The following NCOA1 variants were observed in gnomAD, a reference collection of about 807,000 sequenced individuals.
NCOA1 encodes the protein Hin-2 protein.
A neutral mutation model predicts 150.9 loss-of-function variants in NCOA1; 35 were observed. That is an observed-to-expected ratio of 0.23 (90% CI 0.18 to 0.31). The LOEUF (loss-of-function observed/expected upper bound fraction) is 0.31, where lower values mean the gene tolerates loss of function less well. Among genes scored for constraint, NCOA1 ranks in the 10% least tolerant of loss-of-function variants. NCOA1 has a pLI of 1.00. For missense variants in NCOA1, 1,491 were observed against 1,749.3 expected (o/e 0.85, Z 2.63); for synonymous variants, 590 against 630.0 (o/e 0.94, Z 0.95).
At chr2:24,514,196 G>T (rs1664055756) in intron 1 of NCOA1, among the ~76,000 whole-genome samples, 1 of 147,084 alleles carries the variant, frequency 6.8e-6, no homozygotes, top group African/African-American at 2.5e-5. Context: ...GCTGAGGTGG[G>T]AGAATCTTGA....
chr2:24,628,553 G>A (rs1325159619), intron 3 of NCOA1, among the ~76,000 whole-genome samples: 3 of 152,110 alleles, frequency 2.0e-5, no homozygotes, highest in Admixed American at 6.6e-5. Context: ...ACAGTTGAGT[G>A]AGAGAGATAC....
chr2:24,756,948 CT>C (rs1226094587), intron 20 of NCOA1, among the ~76,000 whole-genome samples: 2 of 152,138 alleles, frequency 1.3e-5, no homozygotes, highest in East Asian at 3.8e-4. Context: ...ATGTATTTTG[CT>C]TCCTAGAAAA....
At chr2:24,735,436 T>C (rs1663247624) in intron 17 of NCOA1, among the ~76,000 whole-genome samples, 1 of 152,196 alleles carries the variant, frequency 6.6e-6, no homozygotes, top group African/African-American at 2.4e-5. Flanking sequence ...CCTAGTGATT[T>C]GAGAAAAGAA....
rs774991184 is a variant in NCOA1 at position 24,707,679 on chromosome 2, G to A, written c.2209G>A (p.Ala737Thr). The A allele has an allele frequency of 1.2e-6, 2 of 1,614,106 alleles. No individual in the cohort carries two copies. The highest frequency in any genetic ancestry group is 1.7e-6 in the Non-Finnish European group (2 of 1,180,000). Residue 737 changes from alanine (A) to threonine (T), a missense_variant, in exon 13 of 23, where the codon GCT becomes ACT. This residue lies in a region of NCOA1 where 703 missense variants were observed against 717.7 expected (regional missense o/e 0.98). Coordinates refer to ENST00000348332, the MANE Select transcript of NCOA1 (RefSeq NM_003743.5). ...CTCCAGTATAAAACTAGAACTGGAT[G>A]CTTCAAAGAAAAAAGAATCAAAAGA... ...GNSSIKLELD[A>T]SKKKESKDHQ... is the part of the protein sequence containing the mutation.
chr2:24,617,394 T>A (rs1423863802), intron 3 of NCOA1, among the ~76,000 whole-genome samples: 1 of 152,150 alleles, frequency 6.6e-6, no homozygotes, highest in Non-Finnish European at 1.5e-5. Flanking sequence ...CCATTTTCTC[T>A]CTTTTTTACT....
At chr2:24,593,292 A>C (rs1158902776) in intron 3 of NCOA1, among the ~76,000 whole-genome samples, 1 of 152,144 alleles carries the variant, frequency 6.6e-6, no homozygotes. Context: ...AGACTGGATC[A>C]GTCTACCCTG....
At chr2:24,580,304 G>T (rs1273375844) in intron 2 of NCOA1, among the ~76,000 whole-genome samples, 1 of 152,038 alleles carries the variant, frequency 6.6e-6, no homozygotes, top group Non-Finnish European at 1.5e-5. Flanking sequence ...AAATTGTCTG[G>T]TTTTTTTCTT....
intron 1 of NCOA1, among the ~76,000 whole-genome samples, chr2:24,560,112 A>G (rs907007770): frequency 1.3e-5 from 2 of 152,180 alleles, no homozygotes; most frequent in African/African-American, 4.8e-5. Flanking sequence ...CACCTGGTCA[A>G]GGCACGTGGA....
chr2:24,633,117 C>T (rs1380335647), intron 3 of NCOA1, among the ~76,000 whole-genome samples: 1 of 151,938 alleles, frequency 6.6e-6, no homozygotes, highest in Non-Finnish European at 1.5e-5. Flanking sequence ...CACACGTACA[C>T]ATACAGCCAT....
intron 3 of NCOA1, among the ~76,000 whole-genome samples, chr2:24,585,835 T>C (rs1223040778): frequency 2.0e-5 from 3 of 152,370 alleles, no homozygotes; most frequent in Admixed American, 2.0e-4. Context: ...GTATTTTTAA[T>C]GTTATTGTAG....
At chr2:24,636,250 T>C (rs1319335975) in intron 3 of NCOA1, among the ~76,000 whole-genome samples, 6 of 152,206 alleles carry the variant, frequency 3.9e-5, no homozygotes, top group Non-Finnish European at 7.4e-5. Context: ...CCACTGTTTT[T>C]TAGATCTCTT....
At chr2:24,678,194 A>G (rs1572579276) in intron 7 of NCOA1, among the ~76,000 whole-genome samples, 2 of 152,174 alleles carry the variant, frequency 1.3e-5, no homozygotes, top group South Asian at 4.1e-4. Context: ...AACTCCATCC[A>G]TGTCCCTGCA....
In NCOA1 at chr2:24,726,589, G is replaced by T. The variant is rs767336032; in HGVS notation, c.2600G>T (p.Arg867Ile). The T allele has an allele frequency of 1.3e-6, 2 of 1,597,768 alleles. No homozygotes were observed. Among genetic ancestry groups the T allele is most frequent in the Admixed American group, 3.4e-5 (2 of 58,568 alleles). ...ATARPTSRLN[R>I]LPELELEAID... ...TTCTTACCTTTTCTTCTTAAATCAG[G>T]ATTACCTGAGCTGGAATTGGAAGCA... The change falls in exon 15 of 23, where the codon AGA becomes ATA. Residue 867 changes from arginine to isoleucine, a missense_variant and splice_region_variant. By Grantham distance (97) the Arg-to-Ile change is moderately conservative. Coordinates refer to ENST00000348332, the MANE Select transcript of NCOA1 (RefSeq NM_003743.5).
chr2:24,599,173 A>T (rs924168025), intron 3 of NCOA1, among the ~76,000 whole-genome samples: 1 of 152,136 alleles, frequency 6.6e-6, no homozygotes, highest in Non-Finnish European at 1.5e-5. Context: ...AGTGATGTGG[A>T]AATTTACCAA....
intron 3 of NCOA1, among the ~76,000 whole-genome samples, chr2:24,601,581 T>G (rs554096181): frequency 6.6e-6 from 1 of 151,818 alleles, no homozygotes; most frequent in East Asian, 1.9e-4. Context: ...ACTCTAGAGA[T>G]CATTCTTTGG....
At chr2:24,507,628 A>T (rs1300945332) in intron 1 of NCOA1, among the ~76,000 whole-genome samples, 2 of 151,648 alleles carry the variant, frequency 1.3e-5, no homozygotes, top group Admixed American at 1.3e-4. Flanking sequence ...CTTCATCATC[A>T]TCATTAGAAT....
chr2:24,601,916 G>A (rs983271352), intron 3 of NCOA1, among the ~76,000 whole-genome samples: 78 of 152,196 alleles, frequency 5.1e-4, no homozygotes, highest in African/African-American at 1.8e-3. Context: ...GATAACAGGC[G>A]TGAACCACTG....
At chr2:24,684,565 G>A (rs1256396510) in intron 8 of NCOA1, among the ~76,000 whole-genome samples, 1 of 152,232 alleles carries the variant, frequency 6.6e-6, no homozygotes, top group African/African-American at 2.4e-5. Context: ...TTACAAGACA[G>A]TGATCCTCAG....
At chr2:24,492,581 C>T (rs1046437819) in intron 1 of NCOA1, among the ~76,000 whole-genome samples, 1 of 152,150 alleles carries the variant, frequency 6.6e-6, no homozygotes, top group Admixed American at 6.6e-5. Context: ...GGGAGGAAAA[C>T]TTTAAGCTGG....
Sources: allele counts gnomAD v4.1 joint callset (sites outside exome capture counted in the v4.1 genomes callset), GRCh38; gene constraint gnomAD v4.1.1; regional missense constraint gnomAD v4.1.1; transcripts MANE v1.5; gene names NCBI Gene and HGNC (gene_info 2026-07-23, HGNC 2026-07-21).